Variants in ITPR1 observed in about 807,000 individuals in gnomAD.
ITPR1 encodes inositol 1,4,5-trisphosphate receptor type 1.
Under a neutral mutation model 318.4 loss-of-function variants are expected in ITPR1, and 96 were observed. The observed-to-expected ratio is 0.30, with a 90% CI of 0.26 to 0.36. ITPR1 has a LOEUF of 0.36. ITPR1 is among the 10% of genes least tolerant of loss of function. The pLI is 1.00. For synonymous variants in ITPR1, 1,312 were observed against 1,289.9 expected (o/e 1.02, Z -0.37); for missense variants, 2,440 against 3,460.2 (o/e 0.71, Z 7.40).
intron 4 of ITPR1, among the ~76,000 whole-genome samples, chr3:4,568,952 G>T (rs930213042): frequency 6.6e-6 from 1 of 152,154 alleles, no homozygotes. Context: ...ATGGTGGAAG[G>T]TATGTCACAT....
intron 40 of ITPR1, among the ~76,000 whole-genome samples, chr3:4,725,105 T>C (rs2042412885): frequency 6.6e-6 from 1 of 151,710 alleles, no homozygotes. Flanking sequence ...ATGTGGCACG[T>C]GGAACTTTCC....
rs184813498 is a variant in ITPR1 at position 4,743,288 on chromosome 3, G to A, written c.5544+7934G>A. ...GAACAGGAGTCCTTGAGGATTATTG[G>A]TCTAAATCCAGGTCTTAAGGAGGAA... On this transcript the variant is annotated intron_variant, in intron 44 of 61. Coordinates refer to ENST00000649015, the MANE Select transcript of ITPR1 (RefSeq NM_001378452.1). 6.8e-4 allele frequency among the ~76,000 whole-genome samples: 103 copies of A among 152,276 alleles called. 1 individual carries two copies. Among genetic ancestry groups the A allele is most frequent in the East Asian group, 1.7e-3 (9 of 5,182 alleles).
At chr3:4,831,036 T>A in intron 60 of ITPR1, 1 of 455,726 alleles carries the variant, frequency 2.2e-6, no homozygotes, top group Non-Finnish European at 4.4e-6. Flanking sequence ...GAAAAAAAAA[T>A]ACCCCACTTC....
At chr3:4,778,024 T>A (rs958082278) in intron 48 of ITPR1, among the ~76,000 whole-genome samples, 1 of 152,338 alleles carries the variant, frequency 6.6e-6, no homozygotes, top group South Asian at 2.1e-4. Flanking sequence ...GACTCTCTAT[T>A]ACTCAAACAG....
chr3:4,544,461 G>A (rs1287231997), intron 4 of ITPR1, among the ~76,000 whole-genome samples: 1 of 152,228 alleles, frequency 6.6e-6, no homozygotes, highest in South Asian at 2.1e-4. Flanking sequence ...TAAATAGTAT[G>A]AGTGTTAGTG....
chr3:4,666,949 G>T (rs765035474), intron 17 of ITPR1, among the ~76,000 whole-genome samples: 1 of 152,174 alleles, frequency 6.6e-6, no homozygotes, highest in Non-Finnish European at 1.5e-5. Context: ...AAATGAAACA[G>T]GGTAACATTG....
chr3:4,832,990 G>T (rs563524448), intron 60 of ITPR1, among the ~76,000 whole-genome samples: 12 of 152,226 alleles, frequency 7.9e-5, no homozygotes, highest in Non-Finnish European at 1.8e-4. Flanking sequence ...CCACAGAGGC[G>T]AAGAACTATG....
Position 4,779,111 on chromosome 3 carries a change from C to G in ITPR1, c.6292-439C>G, listed in dbSNP as rs2046657170. Among the ~76,000 whole-genome samples the G allele has an allele frequency of 6.6e-6, 1 of 152,208 alleles. No individual in the cohort carries two copies. The highest frequency in any genetic ancestry group is 2.4e-5 in the African/African-American group (1 of 41,446). On this transcript the variant is annotated intron_variant, in intron 48 of 61. Coordinates refer to ENST00000649015, the MANE Select transcript of ITPR1 (RefSeq NM_001378452.1). This position sits in a 1 kb window ranked among gnomAD's most constrained non-coding sequence, Gnocchi z 4.0. Reference sequence around the variant, plus strand: ...GACAGGGAAGAATTACCTTTATTACCTGTCTTCTCTGGCCTGCAAGGCCAA... The same window carrying G: ...GACAGGGAAGAATTACCTTTATTACGTGTCTTCTCTGGCCTGCAAGGCCAA...
At chr3:4,501,411 G>C (rs1431569673) in intron 2 of ITPR1, among the ~76,000 whole-genome samples, 1 of 152,204 alleles carries the variant, frequency 6.6e-6, no homozygotes, top group Non-Finnish European at 1.5e-5. Flanking sequence ...CTGGGAACTT[G>C]CTAGCAATTG....
At chr3:4,634,524 G>C (rs1396539422) in intron 5 of ITPR1, among the ~76,000 whole-genome samples, 2 of 152,060 alleles carry the variant, frequency 1.3e-5, no homozygotes, top group Non-Finnish European at 2.9e-5. Flanking sequence ...AAAATTCAGA[G>C]TACCTGACAC....
chr3:4,738,922 A>G (rs1304546406), intron 44 of ITPR1, among the ~76,000 whole-genome samples: 1 of 151,768 alleles, frequency 6.6e-6, no homozygotes, highest in East Asian at 1.9e-4. Context: ...CCGCACGCAC[A>G]TGCTGTTTTC....
intron 31 of ITPR1, among the ~76,000 whole-genome samples, chr3:4,689,103 T>G (rs2094441746): frequency 1.3e-5 from 2 of 152,260 alleles, no homozygotes; most frequent in Admixed American, 6.5e-5. Flanking sequence ...CTCTATGCAT[T>G]GTCTTGTGTT....
intron 4 of ITPR1, among the ~76,000 whole-genome samples, chr3:4,552,758 CCCT>C (rs2085696945): frequency 6.6e-6 from 1 of 152,156 alleles, no homozygotes; most frequent in South Asian, 2.1e-4. Context: ...GAAAGCTGGA[CCCT>C]CTAATCCTGC....
chr3:4,683,729 G>C lies in ITPR1; in HGVS notation c.3429G>C (p.Val1143=). 1.2e-6 allele frequency: 2 copies of C among 1,614,024 alleles called. No individual in the cohort carries two copies. The highest frequency in any genetic ancestry group is 4.5e-5 in the East Asian group (2 of 44,882). The change falls in exon 28 of 62, where the codon GTG becomes GTC. Residue 1143 remains valine, a synonymous_variant. Transcript: ENST00000649015. ...TCGTGGAAAAGTCAGAGCTTTGGGT[G>C]TACAAAGGGCAGGGCCCCGATGAGA... ...RSIVEKSELW[V]YKGQGPDETM...
intron 49 of ITPR1, among the ~76,000 whole-genome samples, chr3:4,780,924 T>C (rs2046791067): frequency 6.6e-6 from 1 of 152,208 alleles, no homozygotes; most frequent in African/African-American, 2.4e-5. Flanking sequence ...TGGCACCGGC[T>C]CTTGGGCAGC....
At chr3:4,653,785 C>A in intron 11 of ITPR1, 57 bp from the exon 12 acceptor site, 3 of 1,301,470 alleles carry the variant, frequency 2.3e-6, no homozygotes, top group East Asian at 2.4e-5. Context: ...GCAAGTGGGG[C>A]CCAGTCCTTA....
At chr3:4,577,194 G>A (rs948487702) in intron 4 of ITPR1, among the ~76,000 whole-genome samples, 2 of 152,142 alleles carry the variant, frequency 1.3e-5, no homozygotes, top group African/African-American at 4.8e-5. Context: ...GATGACACAC[G>A]ATGGCACAGG....
At chr3:4,760,152 C>T (rs1187846710) in intron 44 of ITPR1, among the ~76,000 whole-genome samples, 3 of 152,266 alleles carry the variant, frequency 2.0e-5, no homozygotes, top group African/African-American at 4.8e-5. Context: ...TCACTGACCT[C>T]TCCTAACCCC....
At chr3:4,511,284 G>T (rs304041) in intron 2 of ITPR1, among the ~76,000 whole-genome samples, 99,620 of 151,976 alleles carry the variant, frequency 0.66, 32,913 homozygotes, top group East Asian at 0.8. Context: ...CTTGGGAATA[G>T]AATCAAATCT....
Sources: gnomAD v4.1 joint callset for allele counts (sites outside exome capture counted in the v4.1 genomes callset) on GRCh38, gnomAD v4.1.1 for gene constraint, Gnocchi (gnomAD v3.1) non-coding constraint, MANE v1.5 for transcripts, NCBI Gene and HGNC (gene_info 2026-07-23, HGNC 2026-07-21) for gene names.